The following GLIS3 variants were observed in gnomAD, a reference collection of about 807,000 sequenced individuals.
GLIS3 encodes zinc finger protein GLIS3.
A neutral mutation model predicts 78.6 loss-of-function variants in GLIS3; 53 were observed. The observed-to-expected ratio is 0.67, with a 90% CI of 0.54 to 0.85. GLIS3 has a LOEUF of 0.85. GLIS3 is among the 40% of genes least tolerant of loss of function. The probability of loss-of-function intolerance (pLI) is 0.00; values close to 1 mark genes in which losing one functional copy is unlikely to be tolerated. For synonymous variants in GLIS3, 684 were observed against 509.9 expected (o/e 1.34, Z -4.60); for missense variants, 1,703 against 1,231.1 (o/e 1.38, Z -5.74).
the GLIS3 span, among the ~76,000 whole-genome samples, chr9:4,402,343 CAAG>C: frequency 1.3e-5 from 2 of 152,176 alleles, no homozygotes; most frequent in South Asian, 2.1e-4. Context: ...AAAGCCTTCC[CAAG>C]AAGAACAGGC....
intron 4 of GLIS3, among the ~76,000 whole-genome samples, chr9:4,018,736 C>T (rs1822632886): frequency 6.6e-6 from 1 of 152,170 alleles, no homozygotes; most frequent in African/African-American, 2.4e-5. Context: ...GGCAGGTATA[C>T]ACACTTGGAA....
intron 4 of GLIS3, among the ~76,000 whole-genome samples, chr9:3,973,835 G>A (rs185669882): frequency 1.3e-5 from 2 of 151,968 alleles, no homozygotes; most frequent in Admixed American, 1.3e-4. Flanking sequence ...ATTAAGAAGG[G>A]AAACCATTAA....
intron 8 of GLIS3, among the ~76,000 whole-genome samples, chr9:3,858,794 AG>A (rs1372463688): frequency 6.6e-6 from 1 of 152,220 alleles, no homozygotes; most frequent in Non-Finnish European, 1.5e-5. Flanking sequence ...GACAATTGCT[AG>A]GAACAAGGAA....
intron 4 of GLIS3, among the ~76,000 whole-genome samples, chr9:4,043,951 C>A (rs1825039688): frequency 6.6e-6 from 1 of 152,198 alleles, no homozygotes; most frequent in African/African-American, 2.4e-5. Flanking sequence ...CACTGGCCAG[C>A]ACCCACAGCC....
chr9:4,079,420 C>G (rs558470048), intron 4 of GLIS3, among the ~76,000 whole-genome samples: 1 of 152,016 alleles, frequency 6.6e-6, no homozygotes, highest in African/African-American at 2.4e-5. Context: ...CAAGCCATAG[C>G]GAAGAAAGCA....
rs980352255 is a variant in GLIS3 at position 3,896,527 on chromosome 9, G to C, written c.2128+2164C>G. Among the ~76,000 whole-genome samples the C allele has an allele frequency of 3.3e-5, 5 of 151,778 alleles. No individual in the cohort carries two copies. The East Asian group carries it at 9.7e-4, about 29-fold the overall frequency. ...TAAAAATACAAAAAACTACCCAGGT[G>C]TGGTGGTGCACACCTGTAGTCCCAG... On this transcript the variant is annotated intron_variant, in intron 7 of 10. Transcript: ENST00000381971.
intron 2 of GLIS3, among the ~76,000 whole-genome samples, chr9:4,339,802 G>T (rs1418822484): frequency 2.7e-3 from 1 of 366 alleles, no homozygotes; most frequent in African/African-American, 4.1e-3. Context: ...GGGAGGGAAG[G>T]GGGAGGGGAG....
chr9:4,132,042 G>GT (rs200478545), intron 2 of GLIS3, among the ~76,000 whole-genome samples: 28 of 135,418 alleles, frequency 2.1e-4, no homozygotes, highest in Non-Finnish European at 3.5e-4. Flanking sequence ...TACGGCCAAT[G>GT]TTTTTTTTAA....
chr9:4,247,231 C>T (rs922900607), intron 2 of GLIS3, among the ~76,000 whole-genome samples: 1 of 152,122 alleles, frequency 6.6e-6, no homozygotes, highest in African/African-American at 2.4e-5. Flanking sequence ...TTTCCCTATG[C>T]TAACAGACTC....
intron 6 of GLIS3, among the ~76,000 whole-genome samples, chr9:3,919,141 C>T (rs1563849096): frequency 1.3e-5 from 2 of 152,084 alleles, no homozygotes; most frequent in Non-Finnish European, 2.9e-5. Flanking sequence ...TTAGGTACTC[C>T]AAAGCATGGG....
intron 4 of GLIS3, among the ~76,000 whole-genome samples, chr9:4,047,632 C>G (rs1039964529): frequency 6.6e-6 from 1 of 152,112 alleles, no homozygotes; most frequent in Non-Finnish European, 1.5e-5. Flanking sequence ...ACACATGGTT[C>G]CTGACCTGAA....
intron 2 of GLIS3, among the ~76,000 whole-genome samples, chr9:4,172,682 G>C (rs913689313): frequency 6.6e-6 from 1 of 152,152 alleles, no homozygotes; most frequent in African/African-American, 2.4e-5. Context: ...AAAGGGCTTT[G>C]CCTGTCCTCT....
At chr9:4,363,740 G>T in the GLIS3 span, among the ~76,000 whole-genome samples, 1 of 152,030 alleles carries the variant, frequency 6.6e-6, no homozygotes, top group African/African-American at 2.4e-5. Flanking sequence ...TCTACCCATA[G>T]AAATTTCATT....
At chr9:3,914,359 A>G (rs545068896) in intron 6 of GLIS3, among the ~76,000 whole-genome samples, 175 of 144,776 alleles carry the variant, frequency 1.2e-3, no homozygotes, top group African/African-American at 4.2e-3. Flanking sequence ...CAGAGGCAAG[A>G]TCTCACTATG....
At chr9:3,962,953 G>T (rs944294921) in intron 4 of GLIS3, among the ~76,000 whole-genome samples, 8 of 151,120 alleles carry the variant, frequency 5.3e-5, no homozygotes, top group South Asian at 4.2e-4. Context: ...TTAAGGGGGG[G>T]GGGGGGAGAG....
intron 2 of GLIS3, among the ~76,000 whole-genome samples, chr9:4,254,652 C>T (rs1360653916): frequency 6.6e-6 from 1 of 152,022 alleles, no homozygotes; most frequent in Non-Finnish European, 1.5e-5. Context: ...CCAGCCTGGC[C>T]AACATGGTGA....
chr9:4,281,715 G>C (rs1563891360), intron 2 of GLIS3, among the ~76,000 whole-genome samples: 1 of 152,294 alleles, frequency 6.6e-6, no homozygotes, highest in Non-Finnish European at 1.5e-5. Flanking sequence ...GTGGACATGG[G>C]TGTCAAAAGT....
chr9:4,058,274 A>G (rs930825964), intron 4 of GLIS3, among the ~76,000 whole-genome samples: 2 of 151,970 alleles, frequency 1.3e-5, no homozygotes, highest in East Asian at 3.9e-4. Flanking sequence ...TTGTTTGCCT[A>G]TAATTAACAA....
At chr9:4,469,345 A>C in the GLIS3 span, among the ~76,000 whole-genome samples, 1 of 152,290 alleles carries the variant, frequency 6.6e-6, no homozygotes, top group South Asian at 2.1e-4. Flanking sequence ...TCTTTTGAGC[A>C]CCACACAATA....
Sources: allele counts gnomAD v4.1 joint callset (sites outside exome capture counted in the v4.1 genomes callset), GRCh38; gene constraint gnomAD v4.1.1; transcripts MANE v1.5; gene names NCBI Gene and HGNC (gene_info 2026-07-23, HGNC 2026-07-21).